WDPCP: variants seen among roughly 807,000 people sequenced by gnomAD.
The protein encoded by WDPCP is WD repeat containing planar cell polarity effector, also known as WD repeat-containing and planar cell polarity effector protein fritz homolog.
WDPCP carries 71 observed loss-of-function variants against 93.1 expected under a neutral mutation model. The ratio of observed to expected loss-of-function variants is 0.76; its 90% CI spans 0.63 to 0.93. The LOEUF (loss-of-function observed/expected upper bound fraction) is 0.93. Among genes scored for constraint, WDPCP ranks in the 40% least tolerant of loss-of-function variants. WDPCP has a pLI of 0.00. For missense variants in WDPCP, 844 were observed against 887.4 expected, an observed-to-expected ratio of 0.95 and a Z score of 0.62; for synonymous variants, 315 against 315.0, an observed-to-expected ratio of 1.00 and a Z score of 0.00.
At chr2:63,513,284 A>T (rs778230535) in intron 1 of WDPCP, among the ~76,000 whole-genome samples, 8 of 152,224 alleles carry the variant, frequency 5.3e-5, no homozygotes, top group Non-Finnish European at 1.2e-4. Context: ...TTGAATATTT[A>T]CATCGTTAGA....
chr2:63,242,712 G>T (rs769880562), intron 14 of WDPCP, among the ~76,000 whole-genome samples: 10 of 152,128 alleles, frequency 6.6e-5, no homozygotes, highest in Non-Finnish European at 1.0e-4. Context: ...ACAGTAACTG[G>T]TGTTTTGCTG....
At chr2:63,178,836 C>T (rs1474186814) in intron 14 of WDPCP, among the ~76,000 whole-genome samples, 1 of 151,976 alleles carries the variant, frequency 6.6e-6, no homozygotes, top group Non-Finnish European at 1.5e-5. Context: ...TTAATGTAAA[C>T]ATAGCCATAA....
upstream of WDPCP, among the ~76,000 whole-genome samples, chr2:63,592,716 C>T (rs2106599581): frequency 6.6e-6 from 1 of 152,320 alleles, no homozygotes; most frequent in African/African-American, 2.4e-5. Flanking sequence ...TGTTTTCAAA[C>T]AGTTCTTATA....
In WDPCP at chr2:63,378,471, T is replaced by A; in HGVS notation, c.1663A>T (p.Thr555Ser). The A allele has an allele frequency of 1.2e-6, 2 of 1,613,300 alleles. No individual in the cohort carries two copies. Among genetic ancestry groups the A allele is most frequent in the Non-Finnish European group, 1.7e-6 (2 of 1,179,460 alleles). Reference sequence around the variant, plus strand: ...ATAGTGGAATCCAGAAGTGGTCTTGTTGGAGCATAGAAGGTTCCAAGGCTT... The same window carrying A: ...ATAGTGGAATCCAGAAGTGGTCTTGATGGAGCATAGAAGGTTCCAAGGCTT... ...ETSLGTFYAP[T>S]RPLLDSTILE... Residue 555 changes from threonine (T) to serine (S), a missense_variant, in exon 12 of 18, where the codon ACA becomes TCA. By Grantham distance (58) the Thr-to-Ser change is moderately conservative. Transcript: ENST00000272321.
chr2:63,587,483 G>T (rs1708937597), intron 1 of WDPCP, among the ~76,000 whole-genome samples: 1 of 152,138 alleles, frequency 6.6e-6, no homozygotes, highest in Admixed American at 6.5e-5. Context: ...CCTCCAAACT[G>T]AAATAGAGAA....
At chr2:63,708,604 G>GCCT (rs1669208189) in intron 2 of WDPCP, among the ~76,000 whole-genome samples, 1 of 152,112 alleles carries the variant, frequency 6.6e-6, no homozygotes, top group Non-Finnish European at 1.5e-5. Context: ...CCCTGCTTTG[G>GCCT]GTCATGCACG....
intron 10 of WDPCP, among the ~76,000 whole-genome samples, chr2:63,391,095 A>G (rs1014096950): frequency 1.3e-5 from 2 of 152,192 alleles, no homozygotes; most frequent in Admixed American, 6.5e-5. Context: ...CAAAAAAGAG[A>G]ATTTTAGACC....
chr2:63,382,188 G>A, intron 10 of WDPCP, 94 bp from the exon 11 acceptor site: 1 of 1,279,632 alleles, frequency 7.8e-7, no homozygotes. Flanking sequence ...AACCTATATT[G>A]CTTGCATTAA....
chr2:63,548,380 C>T (rs998799467), intron 1 of WDPCP, among the ~76,000 whole-genome samples: 2 of 151,832 alleles, frequency 1.3e-5, no homozygotes, highest in Admixed American at 6.6e-5. Flanking sequence ...AATTAATATG[C>T]ATCCAATAAC....
intron 2 of WDPCP, among the ~76,000 whole-genome samples, chr2:63,707,185 T>A (rs189657142): frequency 1.3e-5 from 2 of 152,240 alleles, no homozygotes; most frequent in Non-Finnish European, 2.9e-5. Context: ...CCTTGCTAGA[T>A]TGGGGAAGTT....
chr2:63,587,644 C>G (rs1384438104), intron 1 of WDPCP, among the ~76,000 whole-genome samples: 1 of 152,200 alleles, frequency 6.6e-6, no homozygotes, highest in African/African-American at 2.4e-5. Flanking sequence ...CTTTTAACAT[C>G]CACAAGAAAC....
At chr2:63,262,768 G>A (rs771897239) in intron 13 of WDPCP, among the ~76,000 whole-genome samples, 4 of 152,028 alleles carry the variant, frequency 2.6e-5, no homozygotes, top group African/African-American at 4.8e-5. Flanking sequence ...AATTGGGGTC[G>A]TCGATTTGAA....
At chr2:63,470,269 A>C (rs1699616612) in intron 6 of WDPCP, among the ~76,000 whole-genome samples, 2 of 152,176 alleles carry the variant, frequency 1.3e-5, no homozygotes, top group Admixed American at 1.3e-4. Context: ...TCTGGCCCAA[A>C]TCTTTCCCTC....
chr2:63,135,785 G>A (rs1238100925), intron 17 of WDPCP, among the ~76,000 whole-genome samples: 1 of 152,182 alleles, frequency 6.6e-6, no homozygotes, highest in Non-Finnish European at 1.5e-5. Flanking sequence ...AGGCTGGAGT[G>A]CAGAGGTGTG....
intron 12 of WDPCP, among the ~76,000 whole-genome samples, chr2:63,356,546 T>TA (rs1482756065): frequency 2.0e-5 from 3 of 151,972 alleles, no homozygotes; most frequent in Non-Finnish European, 2.9e-5. Flanking sequence ...TCAAAAAATG[T>TA]AAAAAAACTG....
intron 9 of WDPCP, among the ~76,000 whole-genome samples, chr2:63,422,850 T>C (rs1695973577): frequency 6.6e-6 from 1 of 152,192 alleles, no homozygotes; most frequent in South Asian, 2.1e-4. Context: ...TGTGGGACAC[T>C]ACAGTTTCAA....
intron 2 of WDPCP, among the ~76,000 whole-genome samples, chr2:63,693,450 GATAGATA>G (rs1668918137): frequency 6.8e-6 from 1 of 146,640 alleles, no homozygotes; most frequent in Admixed American, 6.7e-5. Flanking sequence ...TAGATAGATA[GATAGATA>G]GATAGATAGA....
chr2:63,643,265 T>G (rs1289473745), intron 3 of WDPCP: 1 of 344,092 alleles, frequency 2.9e-6, no homozygotes, highest in Admixed American at 3.4e-5. Flanking sequence ...TAGAGACCAT[T>G]TCACCCACTT....
chr2:63,165,681 G>T (rs1672914253), intron 15 of WDPCP, among the ~76,000 whole-genome samples: 1 of 150,068 alleles, frequency 6.7e-6, no homozygotes, highest in Non-Finnish European at 1.5e-5. Flanking sequence ...TTGGCAATCT[G>T]TATTTATCTA....
Sources: gnomAD v4.1 joint callset for allele counts (sites outside exome capture counted in the v4.1 genomes callset) on GRCh38, gnomAD v4.1.1 for gene constraint, MANE v1.5 for transcripts, NCBI Gene and HGNC (gene_info 2026-07-23, HGNC 2026-07-21) for gene names.